Variants in GDPD4 observed in about 807,000 individuals in gnomAD.
GDPD4 encodes the protein glycerophosphodiester phosphodiesterase 6.
GDPD4 carries 60 observed loss-of-function variants against 67.8 expected under a neutral mutation model. That is an observed-to-expected ratio of 0.88 (90% CI 0.72 to 1.10). The LOEUF is 1.10. Ranked by LOEUF, GDPD4 falls within the 50% of genes least tolerant of loss-of-function variation. The pLI, the probability that GDPD4 is intolerant of heterozygous loss-of-function variation, is 0.00. For missense variants in GDPD4, 623 were observed against 613.9 expected (o/e 1.01, Z -0.16); for synonymous variants, 212 against 210.9 (o/e 1.00, Z -0.04).
intron 5 of GDPD4, among the ~76,000 whole-genome samples, chr11:77,274,351 C>A (rs1470068276): frequency 1.3e-5 from 2 of 152,100 alleles, no homozygotes; most frequent in Non-Finnish European, 2.9e-5. Flanking sequence ...ATGTGACCAC[C>A]AATACTGGAG....
At chr11:77,248,676 A>G (rs566167897) in intron 11 of GDPD4, among the ~76,000 whole-genome samples, 2 of 152,174 alleles carry the variant, frequency 1.3e-5, no homozygotes, top group Admixed American at 6.5e-5. Flanking sequence ...TGTCAGAAGA[A>G]CATCTCTTTC....
chr11:77,276,324 A>G, intron 4 of GDPD4, 104 bp from the exon 5 acceptor site: 1 of 839,242 alleles, frequency 1.2e-6, no homozygotes, highest in Admixed American at 1.9e-5. Context: ...CTAGCAGTAC[A>G]CTCATTTCTT....
At chr11:77,274,419 T>C (rs1394127008) in intron 5 of GDPD4, among the ~76,000 whole-genome samples, 1 of 152,180 alleles carries the variant, frequency 6.6e-6, no homozygotes, top group Non-Finnish European at 1.5e-5. Flanking sequence ...AATGGCTTAG[T>C]GCTGTCCTTG....
intron 10 of GDPD4, among the ~76,000 whole-genome samples, chr11:77,265,574 T>G (rs1234964410): frequency 6.6e-6 from 1 of 152,180 alleles, no homozygotes; most frequent in African/African-American, 2.4e-5. Context: ...ACATCTTGCA[T>G]AACTATACTA....
At chr11:77,283,084 C>T (rs1034196120) in intron 3 of GDPD4, among the ~76,000 whole-genome samples, 5 of 152,202 alleles carry the variant, frequency 3.3e-5, no homozygotes, top group Admixed American at 2.0e-4. Context: ...TGATTTACAA[C>T]ACTACATCCT....
chr11:77,262,172 T>A (rs1959132156), intron 10 of GDPD4, among the ~76,000 whole-genome samples: 1 of 152,200 alleles, frequency 6.6e-6, no homozygotes, highest in East Asian at 1.9e-4. Context: ...TGAGGACTAG[T>A]AACAAAAGAA....
chr11:77,217,532 G>C (rs1156332861), intron 16 of GDPD4, among the ~76,000 whole-genome samples: 6 of 152,010 alleles, frequency 3.9e-5, no homozygotes, highest in African/African-American at 1.4e-4. Flanking sequence ...TACTGCATGA[G>C]GCTCTAGCTC....
In GDPD4 at chr11:77,285,080, C is replaced by T; in HGVS notation, c.53+5G>A. On this transcript the variant is annotated splice_donor_5th_base_variant and intron_variant, in intron 3 of 16. Transcript: ENST00000315938. ...ACAAATGAAACTACAAAAAGTGAAA[C>T]TCACCAGTCAAAGTTAAAGTATTCA... The T allele has an allele frequency of 6.2e-7, 1 of 1,603,824 alleles. No individual in the cohort carries two copies. Among genetic ancestry groups the T allele is most frequent in the Non-Finnish European group, 8.5e-7 (1 of 1,171,264 alleles).
intron 1 of GDPD4, among the ~76,000 whole-genome samples, chr11:77,295,760 A>G (rs945195317): frequency 2.6e-5 from 4 of 152,362 alleles, no homozygotes; most frequent in Non-Finnish European, 4.4e-5. Flanking sequence ...GAAAAAACAT[A>G]TAAGTTGTAC....
At chr11:77,246,765 G>A (rs1384044601) in intron 11 of GDPD4, among the ~76,000 whole-genome samples, 2 of 152,194 alleles carry the variant, frequency 1.3e-5, no homozygotes, top group South Asian at 2.1e-4. Context: ...CTACTGGAGT[G>A]TAACTCCCTC....
At chr11:77,228,140 G>A (rs890371813) in intron 15 of GDPD4, among the ~76,000 whole-genome samples, 2 of 152,170 alleles carry the variant, frequency 1.3e-5, no homozygotes, top group African/African-American at 2.4e-5. Context: ...GGAGGCTGAG[G>A]CAGGCGGATC....
In GDPD4 at chr11:77,227,931, A is replaced by T. The variant is rs1958375038; in HGVS notation, c.1473-15T>A. The T allele has an allele frequency of 3.1e-6, 5 of 1,599,004 alleles. No individual in the cohort carries two copies. Among genetic ancestry groups the T allele is most frequent in the Non-Finnish European group, 4.3e-6 (5 of 1,166,456 alleles). Reference sequence around the variant, plus strand: ...TCTCTCTCCGCCTAGAAGGAAGCAGACCATCCATGAAATGAAGGGGTCTAA... The same window carrying T: ...TCTCTCTCCGCCTAGAAGGAAGCAGTCCATCCATGAAATGAAGGGGTCTAA... On this transcript the variant is annotated splice_polypyrimidine_tract_variant and intron_variant, in intron 15 of 16. Coordinates refer to ENST00000315938, the MANE Select transcript of GDPD4 (RefSeq NM_182833.3).
At chr11:77,248,998 G>A (rs1389946324) in intron 11 of GDPD4, among the ~76,000 whole-genome samples, 1 of 151,526 alleles carries the variant, frequency 6.6e-6, no homozygotes, top group Non-Finnish European at 1.5e-5. Flanking sequence ...TGGGCAAGGT[G>A]GTTCACAGCT....
At chr11:77,290,970 A>T (rs1413873625) in intron 1 of GDPD4, among the ~76,000 whole-genome samples, 2 of 152,254 alleles carry the variant, frequency 1.3e-5, no homozygotes, top group Admixed American at 1.3e-4. Context: ...GATTTCTCAA[A>T]AAACTAAAAT....
intron 16 of GDPD4, among the ~76,000 whole-genome samples, chr11:77,222,542 A>T (rs536604810): frequency 6.6e-6 from 1 of 152,292 alleles, no homozygotes; most frequent in South Asian, 2.1e-4. Flanking sequence ...TTTCTTTAAG[A>T]ATGTTGAATA....
At chr11:77,267,760 C>T (rs916614579) in intron 10 of GDPD4, among the ~76,000 whole-genome samples, 5 of 152,126 alleles carry the variant, frequency 3.3e-5, no homozygotes, top group African/African-American at 1.2e-4. Flanking sequence ...CCCAGTCTGA[C>T]ACTTGTCTTT....
At chr11:77,285,581 G>A (rs988584701) in intron 2 of GDPD4, among the ~76,000 whole-genome samples, 6 of 152,138 alleles carry the variant, frequency 3.9e-5, no homozygotes, top group African/African-American at 1.4e-4. Context: ...TCATTAATTG[G>A]TTCATTTAGT....
At chr11:77,220,072 T>G (rs1958197868) in intron 16 of GDPD4, among the ~76,000 whole-genome samples, 1 of 152,358 alleles carries the variant, frequency 6.6e-6, no homozygotes, top group Non-Finnish European at 1.5e-5. Context: ...CCTGAGACTT[T>G]GCAGAAGTTG....
chr11:77,227,643 G>A (rs1356784568), intron 16 of GDPD4, among the ~76,000 whole-genome samples: 2 of 152,192 alleles, frequency 1.3e-5, no homozygotes, highest in East Asian at 3.9e-4. Flanking sequence ...CTTCCAAGGG[G>A]CCTCACTGCT....
Sources: allele counts gnomAD v4.1 joint callset (sites outside exome capture counted in the v4.1 genomes callset), GRCh38; gene constraint gnomAD v4.1.1; transcripts MANE v1.5; gene names NCBI Gene and HGNC (gene_info 2026-07-23, HGNC 2026-07-21).